Variants in CASZ1 observed in about 807,000 individuals in gnomAD.
CASZ1 encodes zinc finger protein castor homolog 1.
A neutral mutation model predicts 135.2 loss-of-function variants in CASZ1; 28 were observed. The ratio of observed to expected loss-of-function variants is 0.21; its 90% CI spans 0.15 to 0.28. The LOEUF (loss-of-function observed/expected upper bound fraction) is 0.28. CASZ1 is among the 10% of genes least tolerant of loss of function. The pLI is 1.00. For missense variants in CASZ1, 2,161 were observed against 2,453.3 expected (o/e 0.88, Z 2.52); for synonymous variants, 1,068 against 1,073.4 (o/e 0.99, Z 0.10).
intron 3 of CASZ1, chr1:10,704,333 G>A (rs149269634): frequency 0.012 from 1,833 of 153,176 alleles, 30 homozygotes; most frequent in South Asian, 0.018. Context: ...GAGAAAGGCC[G>A]AGAGGACCCG....
chr1:10,687,222 A>G (rs944667440), intron 4 of CASZ1, among the ~76,000 whole-genome samples: 15 of 152,176 alleles, frequency 9.9e-5, no homozygotes, highest in Admixed American at 5.9e-4. Context: ...GCCCCATAAG[A>G]AAAGGCCAGG....
At chr1:10,795,738 G>A (rs1641055053) in intron 1 of CASZ1, among the ~76,000 whole-genome samples, 1 of 151,798 alleles carries the variant, frequency 6.6e-6, no homozygotes, top group Non-Finnish European at 1.5e-5. Flanking sequence ...AGTGAGGAAC[G>A]CCACTTGCCG....
At chr1:10,644,862 G>T in intron 18 of CASZ1, 55 bp downstream of exon 18, 1 of 1,556,074 alleles carries the variant, frequency 6.4e-7, no homozygotes, top group Non-Finnish European at 8.7e-7. Context: ...GGCCACGGGG[G>T]CCATGGTCTT....
intron 12 of CASZ1, 80 bp downstream of exon 12, chr1:10,650,861 T>C: frequency 6.2e-7 from 1 of 1,603,628 alleles, no homozygotes; most frequent in South Asian, 1.1e-5. Context: ...CCGCTGCAAC[T>C]GCCTGGGCGG....
chr1:10,754,581 T>TAG (rs1640211260), intron 2 of CASZ1, among the ~76,000 whole-genome samples: 1 of 152,176 alleles, frequency 6.6e-6, no homozygotes, highest in Non-Finnish European at 1.5e-5. Flanking sequence ...CAGGTGCTCC[T>TAG]CACACCCTCG....
At chr1:10,664,678 C>T (rs1254644395) in intron 5 of CASZ1, among the ~76,000 whole-genome samples, 1 of 152,016 alleles carries the variant, frequency 6.6e-6, no homozygotes, top group Non-Finnish European at 1.5e-5. Flanking sequence ...ATGCCGTTGA[C>T]CGCTGCGCCC....
chr1:10,670,836 C>T (rs114210982), intron 4 of CASZ1, among the ~76,000 whole-genome samples: 1 of 152,192 alleles, frequency 6.6e-6, no homozygotes, highest in Non-Finnish European at 1.5e-5. Flanking sequence ...TGTGACCCCT[C>T]CCCCACCAGC....
At chr1:10,703,673 A>C (rs1639109784) in intron 3 of CASZ1, among the ~76,000 whole-genome samples, 1 of 151,968 alleles carries the variant, frequency 6.6e-6, no homozygotes, top group African/African-American at 2.4e-5. Context: ...ATAGGGTCAG[A>C]CTCCGAGGCC....
chr1:10,693,107 C>A (rs928793338), intron 4 of CASZ1, among the ~76,000 whole-genome samples: 6 of 152,104 alleles, frequency 3.9e-5, no homozygotes, highest in African/African-American at 1.4e-4. Context: ...GAGCACCAGG[C>A]CTCCTGGAGC....
At position 10,649,396 on chromosome 1, in the gene CASZ1, G is replaced by C. The variant is rs138289719; in HGVS notation, c.2922C>G (p.Ile974Met). 1.5e-4 allele frequency: 249 copies of C among 1,611,164 alleles called. 2 individuals carry two copies. The African/African-American group carries it at 2.6e-3, about 17-fold the overall frequency. ...CGGGGCTCCCCTCCGCTTCCGCCTTGATGTTCAGCAGGCTGCCCAGGCCAG... is the reference window on the plus strand; with the variant it reads ...CGGGGCTCCCCTCCGCTTCCGCCTTCATGTTCAGCAGGCTGCCCAGGCCAG... ...GNPGLGSLLN[I>M]KAEAEGSPAA... The change falls in exon 14 of 21, where the codon ATC (isoleucine) becomes ATG (methionine). Residue 974 changes from isoleucine (I) to methionine (M), a missense_variant. Physicochemically the swap from Ile to Met is conservative, Grantham distance 10. Transcript: ENST00000377022.
intron 1 of CASZ1, among the ~76,000 whole-genome samples, chr1:10,770,205 C>T (rs773728738): frequency 1.3e-5 from 2 of 152,160 alleles, no homozygotes; most frequent in Non-Finnish European, 2.9e-5. Context: ...CCACCTCAGC[C>T]TCTCAAGTAG....
chr1:10,671,644 C>T (rs1643402805), intron 4 of CASZ1, among the ~76,000 whole-genome samples: 1 of 152,204 alleles, frequency 6.6e-6, no homozygotes, highest in Non-Finnish European at 1.5e-5. Context: ...TTTTCCCTTT[C>T]CCAGCCCCAG....
In CASZ1 at chr1:10,646,185, C is replaced by T. The variant is rs1190926012; in HGVS notation, c.3639G>A (p.Leu1213=). The change falls in exon 17 of 21, where the codon CTG becomes CTA. Residue 1213 remains leucine (L), a synonymous_variant. Coordinates refer to ENST00000377022, the MANE Select transcript of CASZ1 (RefSeq NM_001079843.3). This position sits in a 1 kb window ranked among gnomAD's most constrained non-coding sequence, Gnocchi z 6.4. The part of the protein sequence containing the change: ...CLDHINPNNN[L]VNVRDQFAYY... ...ATGCAAACTGGTCTCGCACGTTCAC[C>T]AGGTTGTTGTTGGGGTTGATGTGGT... The T allele has an allele frequency of 1.1e-5, 18 of 1,614,038 alleles. No homozygotes were observed. Among genetic ancestry groups the T allele is most frequent in the African/African-American group, 2.7e-5 (2 of 74,900 alleles).
At chr1:10,789,266 A>C in intron 1 of CASZ1, among the ~76,000 whole-genome samples, 1 of 128,632 alleles carries the variant, frequency 7.8e-6, no homozygotes, top group Non-Finnish European at 1.6e-5. Context: ...AACCCATCCC[A>C]CCTGGGACAT....
chr1:10,687,663 G>A (rs1638637926), intron 4 of CASZ1, among the ~76,000 whole-genome samples: 1 of 152,236 alleles, frequency 6.6e-6, no homozygotes, highest in Non-Finnish European at 1.5e-5. Context: ...CTCAGGAGGA[G>A]AGAGAAAGGG....
At position 10,788,420 on chromosome 1, in the gene CASZ1, A is replaced by C. The variant is rs2100628249; in HGVS notation, c.-234+8144T>G. 6.6e-6 allele frequency among the ~76,000 whole-genome samples: 1 copy of C among 152,230 alleles called. No individual in the cohort carries two copies. The highest frequency in any genetic ancestry group is 2.1e-4 in the South Asian group (1 of 4,828). Reference sequence around the variant, plus strand: ...ATCCTGGAGAATTGGAAAGAAGCCCACCAGAGCAGGGGGCCCTAGAGGGTC... The same window carrying C: ...ATCCTGGAGAATTGGAAAGAAGCCCCCCAGAGCAGGGGGCCCTAGAGGGTC... On this transcript the variant is annotated intron_variant, in intron 1 of 20. Coordinates refer to ENST00000377022, the MANE Select transcript of CASZ1 (RefSeq NM_001079843.3). This position sits in a 1 kb window ranked among gnomAD's most constrained non-coding sequence, Gnocchi z 4.1.
chr1:10,736,892 C>T (rs1037738680), intron 2 of CASZ1, among the ~76,000 whole-genome samples: 3 of 152,172 alleles, frequency 2.0e-5, no homozygotes, highest in Non-Finnish European at 4.4e-5. Context: ...GGGAGGTGCC[C>T]GGGCCTGCAG....
At chr1:10,672,969 C>T (rs891336790) in intron 4 of CASZ1, among the ~76,000 whole-genome samples, 4 of 152,138 alleles carry the variant, frequency 2.6e-5, no homozygotes, top group African/African-American at 9.7e-5. Context: ...TGGAGGTGGG[C>T]TGGCGGTTCC....
In CASZ1 at chr1:10,647,550, C is replaced by A; in HGVS notation, c.3497+251G>T. ...CCACCTGGCCCTGGCAGGATCACCA[C>A]ATGCCCTGCAGGAGCAGTAGCCACT... is the stretch of plus-strand genomic sequence containing the variant. On this transcript the variant is annotated intron_variant, in intron 16 of 20. Transcript: ENST00000377022. This position sits in a 1 kb window ranked among gnomAD's most constrained non-coding sequence, Gnocchi z 4.9. 2 of 1,389,454 alleles carry A rather than the reference C, an allele frequency of 1.4e-6. No homozygotes were observed. Among genetic ancestry groups the A allele is most frequent in the Non-Finnish European group, 1.9e-6 (2 of 1,070,620 alleles). The allele number at this position is 1,389,454 out of a possible 1,614,324, so 86.1% of individuals were successfully genotyped here.
Sources: gnomAD v4.1 joint callset for allele counts (sites outside exome capture counted in the v4.1 genomes callset) on GRCh38, gnomAD v4.1.1 for gene constraint, Gnocchi (gnomAD v3.1) non-coding constraint, MANE v1.5 for transcripts, NCBI Gene and HGNC (gene_info 2026-07-23, HGNC 2026-07-21) for gene names.